The following EML1 variants were observed in gnomAD, a reference collection of about 807,000 sequenced individuals.
EML1 encodes the protein echinoderm microtubule-associated protein-like 1.
In EML1, 27 loss-of-function variants were observed where a neutral mutation model predicts 110.4. The observed-to-expected ratio is 0.24, with a 90% CI of 0.18 to 0.34. The LOEUF (loss-of-function observed/expected upper bound fraction) is 0.34, where lower values mean the gene tolerates loss of function less well. EML1 is among the 10% of genes least tolerant of loss of function. The probability of loss-of-function intolerance (pLI) is 1.00; values close to 1 mark genes in which losing one functional copy is unlikely to be tolerated. For missense variants in EML1, 741 were observed against 1,030.9 expected, an observed-to-expected ratio of 0.72 and a Z score of 3.85; for synonymous variants, 344 against 385.8, an observed-to-expected ratio of 0.89 and a Z score of 1.27.
chr14:99,892,781 T>C (rs1053376136), intron 5 of EML1, among the ~76,000 whole-genome samples: 3 of 152,238 alleles, frequency 2.0e-5, no homozygotes, highest in Non-Finnish European at 4.4e-5. Context: ...AGACATTGGT[T>C]ATATACATCC....
At chr14:99,788,592 C>T (rs557044720), upstream of EML1, among the ~76,000 whole-genome samples, 7 of 152,166 alleles carry the variant, frequency 4.6e-5, no homozygotes, top group African/African-American at 1.4e-4. Flanking sequence ...TGCACTCCAA[C>T]CTGGGCAACA....
chr14:99,791,800 C>CA (rs2057677084), upstream of EML1, among the ~76,000 whole-genome samples: 1 of 152,218 alleles, frequency 6.6e-6, no homozygotes, highest in Non-Finnish European at 1.5e-5. Context: ...CCATCTCCCC[C>CA]CAAGTCTGGT....
intron 12 of EML1, among the ~76,000 whole-genome samples, chr14:99,911,182 G>C (rs1020745893): frequency 1.3e-5 from 2 of 152,092 alleles, no homozygotes; most frequent in Non-Finnish European, 2.9e-5. Context: ...GTTCTCAGCC[G>C]CGTGGTGCTT....
intron 2 of EML1, among the ~76,000 whole-genome samples, chr14:99,853,927 T>C (rs1333690948): frequency 2.6e-5 from 4 of 152,232 alleles, no homozygotes; most frequent in Admixed American, 2.0e-4. Flanking sequence ...TGCCTCGGCC[T>C]CCCAAAGTGC....
chr14:99,772,382 T>G (rs536580383), upstream of EML1, among the ~76,000 whole-genome samples: 83 of 152,348 alleles, frequency 5.4e-4, no homozygotes, highest in Middle Eastern at 6.8e-3. Flanking sequence ...CATTCTCTAA[T>G]AACCGTGGTT....
At chr14:99,821,598 G>T (rs2058263751) in intron 1 of EML1, among the ~76,000 whole-genome samples, 1 of 152,182 alleles carries the variant, frequency 6.6e-6, no homozygotes, top group Admixed American at 6.5e-5. Context: ...ACTTGTTCAG[G>T]ATAATTTGAC....
chr14:99,891,160 C>T (rs1006621385), intron 4 of EML1, 39 bp from the exon 5 acceptor site: 2 of 1,613,920 alleles, frequency 1.2e-6, no homozygotes, highest in African/African-American at 1.3e-5. Context: ...GAAACACCCA[C>T]AGCACCCTTT....
At chr14:99,886,506 A>C (rs1185212923) in intron 4 of EML1, among the ~76,000 whole-genome samples, 2 of 152,220 alleles carry the variant, frequency 1.3e-5, no homozygotes, top group African/African-American at 4.8e-5. Context: ...ATGTTATTCC[A>C]AGAGCCAAAG....
intron 1 of EML1, among the ~76,000 whole-genome samples, chr14:99,804,336 G>T (rs2057933957): frequency 6.6e-6 from 1 of 152,188 alleles, no homozygotes; most frequent in Non-Finnish European, 1.5e-5. Context: ...GGAGGGGAGA[G>T]AAATGCTGGC....
intron 1 of EML1, chr14:99,737,867 G>A: frequency 7.8e-7 from 1 of 1,289,220 alleles, no homozygotes. Flanking sequence ...GCCGGTGAGT[G>A]GCAGCGCTAT....
At chr14:99,747,313 C>A (rs1451967469) in intron 1 of EML1, among the ~76,000 whole-genome samples, 7 of 152,098 alleles carry the variant, frequency 4.6e-5, no homozygotes, top group Non-Finnish European at 7.4e-5. Context: ...TTCTTCCAGG[C>A]CTGGACCAAG....
At chr14:99,810,451 T>G (rs551236516) in intron 1 of EML1, among the ~76,000 whole-genome samples, 1 of 152,366 alleles carries the variant, frequency 6.6e-6, no homozygotes, top group East Asian at 1.9e-4. Context: ...AACCATTCAG[T>G]GGACCAGCTG....
intron 3 of EML1, among the ~76,000 whole-genome samples, chr14:99,871,018 GC>G (rs2059191807): frequency 6.6e-6 from 1 of 151,806 alleles, no homozygotes; most frequent in Admixed American, 6.6e-5. Flanking sequence ...GTGCAGTGGC[GC>G]GATTTTGGCT....
chr14:99,750,468 T>C (rs1387798943), intron 1 of EML1, among the ~76,000 whole-genome samples: 2 of 152,164 alleles, frequency 1.3e-5, no homozygotes, highest in African/African-American at 4.8e-5. Context: ...GACAGATTGC[T>C]TTGGCATTCA....
At chr14:99,901,259 A>G (rs1238711838) in intron 9 of EML1, among the ~76,000 whole-genome samples, 2 of 152,150 alleles carry the variant, frequency 1.3e-5, no homozygotes, top group East Asian at 1.9e-4. Flanking sequence ...CTCCAGCCAC[A>G]TGGGTTTGGT....
At chr14:99,790,112 C>T (rs8011282), upstream of EML1, among the ~76,000 whole-genome samples, 78,295 of 151,916 alleles carry the variant, frequency 0.52, 20,326 homozygotes, top group East Asian at 0.56. Context: ...GTTAAGAGAG[C>T]AATGATCTTC....
At chr14:99,843,488 A>T (rs1370041211) in intron 1 of EML1, among the ~76,000 whole-genome samples, 1 of 152,244 alleles carries the variant, frequency 6.6e-6, no homozygotes. Flanking sequence ...CTATATGCAA[A>T]AAGTATTCTA....
chr14:99,902,481 T>C (rs1242006083), intron 9 of EML1, among the ~76,000 whole-genome samples: 1 of 152,158 alleles, frequency 6.6e-6, no homozygotes, highest in Non-Finnish European at 1.5e-5. Flanking sequence ...TAATGACAAA[T>C]GTACCATAGT....
chr14:99,757,470 G>A (rs2057270107), intron 1 of EML1, among the ~76,000 whole-genome samples: 1 of 152,294 alleles, frequency 6.6e-6, no homozygotes, highest in Non-Finnish European at 1.5e-5. Context: ...ACATCTAGGA[G>A]CCTCGTGGAT....
Sources: allele counts gnomAD v4.1 joint callset (sites outside exome capture counted in the v4.1 genomes callset), GRCh38; gene constraint gnomAD v4.1.1; transcripts MANE v1.5; gene names NCBI Gene and HGNC (gene_info 2026-07-23, HGNC 2026-07-21).